Variants in FBXO31 observed in about 807,000 individuals in gnomAD.
The protein encoded by FBXO31 is F-box only protein 31.
A neutral mutation model predicts 54.4 loss-of-function variants in FBXO31; 24 were observed. The ratio of observed to expected loss-of-function variants is 0.44; its 90% CI spans 0.32 to 0.62. FBXO31 has a LOEUF of 0.62. Among genes scored for constraint, FBXO31 ranks in the 20% least tolerant of loss-of-function variants. The pLI is 0.05. For missense variants in FBXO31, 665 were observed against 787.1 expected (o/e 0.84, Z 1.86); for synonymous variants, 388 against 335.6 (o/e 1.16, Z -1.71).
chr16:87,367,021 T>A (rs1906399439), intron 1 of FBXO31: 1 of 151,944 alleles, frequency 6.6e-6, no homozygotes, highest in Non-Finnish European at 1.5e-5. Flanking sequence ...CTACAAAATT[T>A]TTTTTAAAAA....
At chr16:87,341,493 T>A (rs1051407395) in intron 5 of FBXO31, among the ~76,000 whole-genome samples, 1 of 151,472 alleles carries the variant, frequency 6.6e-6, no homozygotes, top group Admixed American at 6.6e-5. Flanking sequence ...CCATCTCTAC[T>A]AAAAATACAA....
rs115894259 is a variant in FBXO31 at position 87,379,324 on chromosome 16, G to C, written c.340+4081C>G. On this transcript the variant is annotated intron_variant, in intron 1 of 8. Coordinates refer to ENST00000311635, the MANE Select transcript of FBXO31 (RefSeq NM_024735.5). ...AAAGGTGGGAAGGTTCTGCAGAGCT[G>C]GGGGGAGAATAGCTGAAGGCAGCTG... is the stretch of plus-strand genomic sequence containing the variant. Among the ~76,000 whole-genome samples, 594 of 152,222 alleles carry C rather than the reference G, an allele frequency of 3.9e-3. 6 individuals carry two copies. Among genetic ancestry groups the C allele is most frequent in the African/African-American group, 0.014 (571 of 41,530 alleles).
Position 87,327,554 on chromosome 16 carries a change from G to C in FBXO31, c.*3734C>G, listed in dbSNP as rs574216562. 6.6e-6 allele frequency: 1 copy of C among 152,440 alleles called. No individual in the cohort carries two copies. The highest frequency in any genetic ancestry group is 1.5e-5 in the Non-Finnish European group (1 of 68,118). 9.4% of individuals were successfully genotyped at this position (152,440 alleles called of 1,614,324 possible). A position where few individuals can be genotyped will look rare whatever the true frequency, so the allele number is the denominator to read the frequency against. On this transcript the variant is annotated 3_prime_UTR_variant, in exon 9 of 9. Transcript: ENST00000311635. ...GCCTGTGGTCCCAGCTACTTGGGAG[G>C]CTAAGGCGGGCAGACAGCTTGAGCC...
intron 2 of FBXO31, among the ~76,000 whole-genome samples, chr16:87,359,447 G>A (rs940255543): frequency 3.3e-5 from 5 of 152,158 alleles, no homozygotes; most frequent in African/African-American, 1.2e-4. Context: ...ACCTGGGCAG[G>A]CCAAACACCT....
chr16:87,360,313 G>C lies in FBXO31; in HGVS notation c.394C>G (p.Arg132Gly). 1 of 1,614,142 alleles carries C rather than the reference G, an allele frequency of 6.2e-7. No individual in the cohort carries two copies. The highest frequency in any genetic ancestry group is 8.5e-7 in the Non-Finnish European group (1 of 1,180,006). The change falls in exon 2 of 9, where the codon CGG becomes GGG. Residue 132 changes from arginine (R) to glycine (G), a missense_variant. By Grantham distance (125) the Arg-to-Gly change is moderately radical (BLOSUM62 -2). Transcript: ENST00000311635. Reference protein sequence around the residue: ...RKLEITGVSCRDVYAKLLHRY... With the variant: ...RKLEITGVSCGDVYAKLLHRY... ...CACTCACGCTTCGCATAGACGTCCC[G>C]ACAAGACACGCCTGTGATCTCCAGC...
upstream of FBXO31, chr16:87,384,102 C>G (rs80352074): frequency 9.0e-3 from 1,423 of 157,716 alleles, 16 homozygotes; most frequent in African/African-American, 0.032. Flanking sequence ...GGCTGCTCGG[C>G]GACCACTTCG....
At chr16:87,378,286 T>C (rs1439310353) in intron 1 of FBXO31, among the ~76,000 whole-genome samples, 2 of 152,144 alleles carry the variant, frequency 1.3e-5, no homozygotes, top group East Asian at 1.9e-4. Context: ...TCAATAAATA[T>C]ATTTTTTAAA....
Position 87,345,536 on chromosome 16 carries a change from C to A in FBXO31, c.489+1638G>T, listed in dbSNP as rs375078159. On this transcript the variant is annotated intron_variant, in intron 3 of 8. Coordinates refer to ENST00000311635, the MANE Select transcript of FBXO31 (RefSeq NM_024735.5). This position sits in a 1 kb window ranked among gnomAD's most constrained non-coding sequence, Gnocchi z 4.9. ...TTTTCAACATAAATTGGCAGGTGAC[C>A]GAGAAACACAGAAACTAAAACTACA... 1.3e-5 allele frequency among the ~76,000 whole-genome samples: 2 copies of A among 152,102 alleles called. No individual in the cohort carries two copies. The highest frequency in any genetic ancestry group is 4.2e-4 in the South Asian group (2 of 4,808).
intron 1 of FBXO31, among the ~76,000 whole-genome samples, chr16:87,369,280 C>T (rs1906495874): frequency 6.6e-6 from 1 of 152,066 alleles, no homozygotes; most frequent in Admixed American, 6.6e-5. Context: ...CCTCCTCCAC[C>T]ATCCACGTGA....
At position 87,346,334 on chromosome 16, in the gene FBXO31, C is replaced by G. The variant is rs1905386001; in HGVS notation, c.489+840G>C. 6.6e-6 allele frequency among the ~76,000 whole-genome samples: 1 copy of G among 152,172 alleles called. No homozygotes were observed. Among genetic ancestry groups the G allele is most frequent in the Non-Finnish European group, 1.5e-5 (1 of 68,032 alleles). On this transcript the variant is annotated intron_variant, in intron 3 of 8. Transcript: ENST00000311635. This position sits in a 1 kb window ranked among gnomAD's most constrained non-coding sequence, Gnocchi z 4.2. The stretch of plus-strand genomic sequence containing the variant: ...GCGCACAGTGAGGGGTGGGGGGCAT[C>G]CAACACGCCTGGAGATCAGGAGAAA...
chr16:87,343,018 C>T, intron 4 of FBXO31, 67 bp from the exon 5 acceptor site: 1 of 1,391,596 alleles, frequency 7.2e-7, no homozygotes. Flanking sequence ...ATCCCCCACC[C>T]CAGGCAGGTG....
chr16:87,383,849 T>C (rs1597382822), upstream of FBXO31: 4 of 824,308 alleles, frequency 4.9e-6, no homozygotes, highest in Non-Finnish European at 6.1e-6. The surrounding 1 kb of genome is among the most constrained non-coding windows in gnomAD (Gnocchi z 4.9). Flanking sequence ...CCACGCCCCC[T>C]GGAGAGCCTA....
At chr16:87,364,796 C>T (rs941547706) in intron 1 of FBXO31, among the ~76,000 whole-genome samples, 1 of 151,204 alleles carries the variant, frequency 6.6e-6, no homozygotes, top group Non-Finnish European at 1.5e-5. Flanking sequence ...CCAGGGCAGG[C>T]GGATTACCTG....
chr16:87,351,372 C>T (rs958177769), intron 2 of FBXO31, among the ~76,000 whole-genome samples: 8 of 151,998 alleles, frequency 5.3e-5, no homozygotes, highest in African/African-American at 1.5e-4. Context: ...TTTCTAAATT[C>T]GGAGGATGCA....
chr16:87,381,119 C>T (rs1266360544), intron 1 of FBXO31, among the ~76,000 whole-genome samples: 3 of 152,128 alleles, frequency 2.0e-5, no homozygotes, highest in African/African-American at 7.2e-5. Context: ...GTAGACTTCA[C>T]AGGGAAAGAG....
At chr16:87,386,270 G>A (rs1266694943), upstream of FBXO31, 1 of 152,208 alleles carries the variant, frequency 6.6e-6, no homozygotes, top group Non-Finnish European at 1.5e-5. Context: ...GTTGGAGTTA[G>A]AATGTGAACT....
upstream of FBXO31, chr16:87,391,487 T>G (rs189920818): frequency 5.3e-5 from 8 of 152,300 alleles, no homozygotes; most frequent in African/African-American, 1.9e-4. Context: ...TAGCGTAAGG[T>G]TGTCCAGCGA....
Position 87,335,166 on chromosome 16 carries a change from C to T in FBXO31, c.996+138G>A, listed in dbSNP as rs1905005296. On this transcript the variant is annotated intron_variant, in intron 7 of 8. Transcript: ENST00000311635. The surrounding 1 kb of genome is among the most constrained non-coding windows in gnomAD (Gnocchi z 5.7). ...GGGCCCGAGAATCTGCTTTCCCAAGCTCCCGGGGCTGCAGGTGCAAGCCCA... is the reference window on the plus strand; with the variant it reads ...GGGCCCGAGAATCTGCTTTCCCAAGTTCCCGGGGCTGCAGGTGCAAGCCCA... 1.6e-6 allele frequency: 2 copies of T among 1,241,748 alleles called. No homozygotes were observed. The highest frequency in any genetic ancestry group is 2.3e-6 in the Non-Finnish European group (2 of 876,440). The allele number at this position is 1,241,748 out of a possible 1,614,324, so 76.9% of individuals were successfully genotyped here.
chr16:87,336,644 C>T lies in FBXO31; in HGVS notation c.733-380G>A, dbSNP rs1307146342. 6.6e-6 allele frequency among the ~76,000 whole-genome samples: 1 copy of T among 152,146 alleles called. No homozygotes were observed. Among genetic ancestry groups the T allele is most frequent in the Non-Finnish European group, 1.5e-5 (1 of 68,012 alleles). ...ACACAGACTCTGGCCCTGCACAGCA[C>T]AGCCCCTCAGCCTGCTTCTCTGGCT... On this transcript the variant is annotated intron_variant, in intron 5 of 8. Coordinates refer to ENST00000311635, the MANE Select transcript of FBXO31 (RefSeq NM_024735.5). This position sits in a 1 kb window ranked among gnomAD's most constrained non-coding sequence, Gnocchi z 6.5.
Sources: allele counts gnomAD v4.1 joint callset (sites outside exome capture counted in the v4.1 genomes callset), GRCh38; gene constraint gnomAD v4.1.1; non-coding constraint Gnocchi (gnomAD v3.1); transcripts MANE v1.5; gene names NCBI Gene and HGNC (gene_info 2026-07-23, HGNC 2026-07-21).